The following RBFOX1 variants were observed in gnomAD, a reference collection of about 807,000 sequenced individuals.
RBFOX1 encodes RNA binding protein fox-1 homolog 1.
RBFOX1 carries 8 observed loss-of-function variants against 57.7 expected under a neutral mutation model. The observed-to-expected ratio is 0.14, with a 90% confidence interval of 0.08 to 0.25. The LOEUF (loss-of-function observed/expected upper bound fraction) is 0.25, where lower values mean the gene tolerates loss of function less well. Among genes scored for constraint, RBFOX1 ranks in the 10% least tolerant of loss-of-function variants. The probability of loss-of-function intolerance (pLI) is 1.00; values close to 1 mark genes in which losing one functional copy is unlikely to be tolerated. For synonymous variants in RBFOX1, 326 were observed against 222.4 expected, an observed-to-expected ratio of 1.47 and a Z score of -4.15; for missense variants, 611 against 548.5, an observed-to-expected ratio of 1.11 and a Z score of -1.14.
intron 4 of RBFOX1, among the ~76,000 whole-genome samples, chr16:5,985,079 G>A (rs1330850176): frequency 2.7e-5 from 4 of 147,708 alleles, no homozygotes; most frequent in Non-Finnish European, 4.4e-5. Flanking sequence ...TCCGCTTCCC[G>A]GGTTCACACC....
At chr16:6,783,946 C>G (rs930577555) in intron 3 of RBFOX1, among the ~76,000 whole-genome samples, 1 of 152,146 alleles carries the variant, frequency 6.6e-6, no homozygotes, top group Non-Finnish European at 1.5e-5. Context: ...TTGTTCAGCA[C>G]TTTAAATATG....
chr16:6,519,169 C>A (rs896902312), intron 2 of RBFOX1, among the ~76,000 whole-genome samples: 3 of 151,918 alleles, frequency 2.0e-5, no homozygotes, highest in Middle Eastern at 3.2e-3. Context: ...ATGGGGGGAA[C>A]CGTCTGTGTA....
intron 6 of RBFOX1, 62 bp from the exon 7 acceptor site, chr16:7,587,185 G>T: frequency 7.0e-7 from 1 of 1,421,076 alleles, no homozygotes; most frequent in South Asian, 1.8e-5. Flanking sequence ...AATTACTACT[G>T]TACATAGTAA....
chr16:6,314,628 G>A (rs547368795), intron 1 of RBFOX1, among the ~76,000 whole-genome samples: 7 of 151,834 alleles, frequency 4.6e-5, no homozygotes, highest in African/African-American at 9.7e-5. Flanking sequence ...AGAATGTAAG[G>A]ATATGTTCGG....
chr16:5,519,999 G>A (rs1476801938), intron 2 of RBFOX1, among the ~76,000 whole-genome samples: 1 of 152,246 alleles, frequency 6.6e-6, no homozygotes, highest in African/African-American at 2.4e-5. Flanking sequence ...TCTATTGGAA[G>A]TGGATATTAA....
intron 2 of RBFOX1, among the ~76,000 whole-genome samples, chr16:6,620,098 C>G (rs1396678576): frequency 6.6e-6 from 1 of 152,092 alleles, no homozygotes; most frequent in Non-Finnish European, 1.5e-5. Context: ...TTTTCTTTAT[C>G]CAGTCTATCA....
chr16:7,575,339 T>C (rs1602252945), intron 5 of RBFOX1, among the ~76,000 whole-genome samples: 1 of 152,204 alleles, frequency 6.6e-6, no homozygotes, highest in East Asian at 1.9e-4. Flanking sequence ...TTCACCATGT[T>C]GGTCAGGCTG....
intron 4 of RBFOX1, among the ~76,000 whole-genome samples, chr16:7,452,407 T>C (rs146900479): frequency 7.9e-5 from 12 of 152,336 alleles, no homozygotes; most frequent in African/African-American, 2.9e-4. Context: ...CTGCCTAGAA[T>C]GGCCAGTTGC....
At chr16:6,481,211 G>A (rs539644172) in intron 2 of RBFOX1, among the ~76,000 whole-genome samples, 27 of 152,218 alleles carry the variant, frequency 1.8e-4, no homozygotes, top group African/African-American at 6.5e-4. Flanking sequence ...TTATGGGGTG[G>A]GAGCAAGAAA....
chr16:5,714,378 A>G (rs1033600729), intron 3 of RBFOX1, among the ~76,000 whole-genome samples: 1 of 152,182 alleles, frequency 6.6e-6, no homozygotes, highest in Non-Finnish European at 1.5e-5. Context: ...GAACTTCCCC[A>G]TACCAATGAC....
chr16:7,029,046 CTATATATATATATATATA>C (rs1225538161), intron 3 of RBFOX1, among the ~76,000 whole-genome samples: 2 of 45,210 alleles, frequency 4.4e-5, no homozygotes, highest in East Asian at 5.2e-4. Flanking sequence ...AAAAAAAAAG[CTATATATATATATATATA>C]TATATATATA....
chr16:6,738,694 A>C (rs541965849), intron 3 of RBFOX1, among the ~76,000 whole-genome samples: 77 of 152,304 alleles, frequency 5.1e-4, no homozygotes, highest in Non-Finnish European at 3.2e-4. Context: ...CATTCTTTTA[A>C]GGAGCCCATA....
rs959032647 is a variant in RBFOX1 at position 5,619,557 on chromosome 16, G to A, written c.318+20596G>A. 7.2e-5 allele frequency among the ~76,000 whole-genome samples: 11 copies of A among 152,252 alleles called. No individual in the cohort carries two copies. In the East Asian group the frequency reaches 1.2e-3, roughly 16 times the overall value. On this transcript the variant is annotated intron_variant, in intron 3 of 19. Coordinates refer to the RBFOX1 transcript ENST00000641259. Reference sequence around the variant, plus strand: ...CGAGAGAAATTGGATTGAAAATCTCGCCAGACTGCCTCCGGACAGAGCTTT... The same window carrying A: ...CGAGAGAAATTGGATTGAAAATCTCACCAGACTGCCTCCGGACAGAGCTTT...
chr16:5,663,247 G>A (rs2049716208), intron 3 of RBFOX1, among the ~76,000 whole-genome samples: 1 of 152,118 alleles, frequency 6.6e-6, no homozygotes, highest in African/African-American at 2.4e-5. Flanking sequence ...ATCTTGTTCT[G>A]TCACCCGGGC....
chr16:7,120,664 T>G (rs990357667), intron 4 of RBFOX1, among the ~76,000 whole-genome samples: 3 of 149,026 alleles, frequency 2.0e-5, no homozygotes, highest in Admixed American at 6.7e-5. Flanking sequence ...AATGGTTTCA[T>G]TGGCTATTCC....
chr16:7,256,766 G>A (rs943615122), intron 4 of RBFOX1, among the ~76,000 whole-genome samples: 1 of 152,172 alleles, frequency 6.6e-6, no homozygotes, highest in Admixed American at 6.5e-5. Flanking sequence ...CGGTTGTCCT[G>A]TGAGTTGCAT....
intron 1 of RBFOX1, among the ~76,000 whole-genome samples, chr16:6,076,088 T>G (rs1308580159): frequency 2.6e-5 from 4 of 152,072 alleles, no homozygotes. Flanking sequence ...CACCTGAGTT[T>G]GGGGGTTCAA....
intron 1 of RBFOX1, among the ~76,000 whole-genome samples, chr16:6,049,053 C>A (rs1025375847): frequency 8.9e-6 from 1 of 112,894 alleles, no homozygotes; most frequent in Non-Finnish European, 1.8e-5. Context: ...CTTCTAACAG[C>A]TTTTTTTTTT....
intron 3 of RBFOX1, among the ~76,000 whole-genome samples, chr16:5,799,448 A>C (rs1007406950): frequency 6.6e-6 from 1 of 152,184 alleles, no homozygotes; most frequent in East Asian, 1.9e-4. Context: ...CCGAATTATG[A>C]TGGTTTGAGT....
Sources: allele counts gnomAD v4.1 joint callset (sites outside exome capture counted in the v4.1 genomes callset), GRCh38; gene constraint gnomAD v4.1.1; transcripts MANE v1.5; gene names NCBI Gene and HGNC (gene_info 2026-07-23, HGNC 2026-07-21).